Variants in HS6ST3 observed in about 807,000 individuals in gnomAD.
The protein encoded by HS6ST3 is heparan sulfate 6-O-sulfotransferase 3.
In HS6ST3, 12 loss-of-function variants were observed where a neutral mutation model predicts 36.7. That is an observed-to-expected ratio of 0.33 (90% CI 0.21 to 0.53). The LOEUF (loss-of-function observed/expected upper bound fraction) is 0.53. Ranked by LOEUF, HS6ST3 falls within the 20% of genes least tolerant of loss-of-function variation. The pLI, the probability that HS6ST3 is intolerant of heterozygous loss-of-function variation, is 0.95. For synonymous variants in HS6ST3, 240 were observed against 257.5 expected (o/e 0.93, Z 0.65); for missense variants, 584 against 640.9 (o/e 0.91, Z 0.96).
chr13:96,613,263 C>T (rs2056462436), intron 1 of HS6ST3, among the ~76,000 whole-genome samples: 1 of 152,166 alleles, frequency 6.6e-6, no homozygotes, highest in South Asian at 2.1e-4. Flanking sequence ...AATGTTAACT[C>T]ATTTAATATG....
chr13:96,163,218 A>G (rs2054144364), intron 1 of HS6ST3, among the ~76,000 whole-genome samples: 2 of 142,908 alleles, frequency 1.4e-5, no homozygotes, highest in Admixed American at 7.2e-5. Flanking sequence ...TAAGTCTGAG[A>G]TACATTTTTT....
At chr13:96,383,559 C>T (rs933882732) in intron 1 of HS6ST3, among the ~76,000 whole-genome samples, 5 of 152,210 alleles carry the variant, frequency 3.3e-5, no homozygotes, top group African/African-American at 1.2e-4. Flanking sequence ...CACCTGGTGA[C>T]AGAAGCTGAA....
At chr13:96,170,201 G>A (rs1041707687) in intron 1 of HS6ST3, among the ~76,000 whole-genome samples, 2 of 152,134 alleles carry the variant, frequency 1.3e-5, no homozygotes. Context: ...AAATGACACC[G>A]GGTGCTCTAT....
chr13:96,485,199 T>G (rs1372066192), intron 1 of HS6ST3, among the ~76,000 whole-genome samples: 6 of 152,162 alleles, frequency 3.9e-5, no homozygotes, highest in Non-Finnish European at 7.4e-5. Flanking sequence ...TTTATAATAT[T>G]GAGTCTTCCT....
chr13:96,139,567 A>AAAAAAAAAAAAAAAAAAAT (rs1491242538), intron 1 of HS6ST3, among the ~76,000 whole-genome samples: 8 of 138,696 alleles, frequency 5.8e-5, no homozygotes, highest in African/African-American at 2.0e-4. Flanking sequence ...AAAAAAAAAA[A>AAAAAAAAAAAAAAAAAAAT]TCCATGTATA....
intron 1 of HS6ST3, among the ~76,000 whole-genome samples, chr13:96,700,570 G>A (rs1875258804): frequency 6.6e-6 from 1 of 152,122 alleles, no homozygotes; most frequent in South Asian, 2.1e-4. Flanking sequence ...CAACCATCAT[G>A]TATGTTGTTG....
intron 1 of HS6ST3, among the ~76,000 whole-genome samples, chr13:96,494,660 C>T: frequency 6.7e-6 from 1 of 150,002 alleles, no homozygotes; most frequent in South Asian, 2.1e-4. Context: ...TGTTTCAAAA[C>T]ACACACACAC....
At chr13:96,449,289 G>A (rs1026192080) in intron 1 of HS6ST3, among the ~76,000 whole-genome samples, 8 of 152,114 alleles carry the variant, frequency 5.3e-5, no homozygotes, top group Non-Finnish European at 1.2e-4. Context: ...GAATGACCAT[G>A]CTTACTATGA....
intron 1 of HS6ST3, among the ~76,000 whole-genome samples, chr13:96,261,240 T>C (rs1053030313): frequency 2.0e-5 from 3 of 151,056 alleles, no homozygotes; most frequent in Non-Finnish European, 4.4e-5. Context: ...AAAGCTAATA[T>C]AAACAATTTA....
intron 1 of HS6ST3, among the ~76,000 whole-genome samples, chr13:96,397,455 C>T (rs1246222574): frequency 1.3e-5 from 2 of 152,110 alleles, no homozygotes; most frequent in Non-Finnish European, 2.9e-5. Flanking sequence ...ACTCAAACAT[C>T]TCTTCAAGCA....
At chr13:96,195,093 A>G (rs1168415540) in intron 1 of HS6ST3, among the ~76,000 whole-genome samples, 1 of 152,186 alleles carries the variant, frequency 6.6e-6, no homozygotes, top group Non-Finnish European at 1.5e-5. Context: ...TGTTGGGGGG[A>G]AAATGATGCT....
intron 1 of HS6ST3, among the ~76,000 whole-genome samples, chr13:96,250,263 C>T (rs1444384602): frequency 6.6e-6 from 1 of 152,102 alleles, no homozygotes; most frequent in Non-Finnish European, 1.5e-5. Context: ...CCCATAAAAC[C>T]CCTGTGGTGG....
chr13:96,732,920 T>C (rs1323687179), intron 1 of HS6ST3, among the ~76,000 whole-genome samples: 1 of 152,208 alleles, frequency 6.6e-6, no homozygotes, highest in Non-Finnish European at 1.5e-5. Flanking sequence ...CTTGTTTTCT[T>C]CATTTCTTTT....
intron 1 of HS6ST3, among the ~76,000 whole-genome samples, chr13:96,547,016 A>G (rs912158064): frequency 6.6e-6 from 1 of 152,202 alleles, no homozygotes; most frequent in Non-Finnish European, 1.5e-5. Flanking sequence ...ATGGTAAATT[A>G]TAGAAACAAA....
At chr13:96,533,678 C>T (rs1357358154) in intron 1 of HS6ST3, among the ~76,000 whole-genome samples, 7 of 152,080 alleles carry the variant, frequency 4.6e-5, no homozygotes, top group African/African-American at 1.2e-4. Flanking sequence ...TAAATGAGGC[C>T]GCGGAAGCCA....
At chr13:96,709,237 C>G (rs1021511038) in intron 1 of HS6ST3, among the ~76,000 whole-genome samples, 1 of 152,174 alleles carries the variant, frequency 6.6e-6, no homozygotes, top group Non-Finnish European at 1.5e-5. Flanking sequence ...TGTAAGTTAC[C>G]TGAGGCCTCC....
chr13:96,334,451 C>A (rs562700685), intron 1 of HS6ST3, among the ~76,000 whole-genome samples: 1 of 152,208 alleles, frequency 6.6e-6, no homozygotes, highest in African/African-American at 2.4e-5. Flanking sequence ...GCCAATTAAA[C>A]CTCTTTTCTT....
At chr13:96,458,100 A>G (rs752612804) in intron 1 of HS6ST3, among the ~76,000 whole-genome samples, 8 of 152,138 alleles carry the variant, frequency 5.3e-5, no homozygotes, top group Admixed American at 3.3e-4. Flanking sequence ...CTTTTCTTCT[A>G]TTGTTACCCA....
chr13:96,422,784 G>A (rs2055568123), intron 1 of HS6ST3, among the ~76,000 whole-genome samples: 1 of 152,110 alleles, frequency 6.6e-6, no homozygotes, highest in Non-Finnish European at 1.5e-5. Context: ...GGATAGGAAG[G>A]AATCAAGAAA....
Sources: gnomAD v4.1 joint callset for allele counts (sites outside exome capture counted in the v4.1 genomes callset) on GRCh38, gnomAD v4.1.1 for gene constraint, MANE v1.5 for transcripts, NCBI Gene and HGNC (gene_info 2026-07-23, HGNC 2026-07-21) for gene names.